Variants in ABCC3 observed in about 807,000 individuals in gnomAD.
The protein encoded by ABCC3 is ATP-binding cassette sub-family C member 3.
A neutral mutation model predicts 165.3 loss-of-function variants in ABCC3; 121 were observed. The observed-to-expected ratio is 0.73, with a 90% confidence interval of 0.63 to 0.85. The LOEUF (loss-of-function observed/expected upper bound fraction) is 0.85, where lower values mean the gene tolerates loss of function less well. Among genes scored for constraint, ABCC3 ranks in the 40% least tolerant of loss-of-function variants. The pLI is 0.00. For synonymous variants in ABCC3, 733 were observed against 810.1 expected (o/e 0.90, Z 1.62); for missense variants, 1,869 against 1,964.1 (o/e 0.95, Z 0.92).
intron 1 of ABCC3, among the ~76,000 whole-genome samples, chr17:50,637,196 T>C (rs971073955): frequency 1.3e-5 from 2 of 152,090 alleles, no homozygotes; most frequent in African/African-American, 4.8e-5. Flanking sequence ...TAAACATCTT[T>C]CACATTCTCT....
Position 50,656,763 on chromosome 17 carries a change from T to C in ABCC3, c.284T>C (p.Leu95Pro). 2 of 1,614,018 alleles carry C rather than the reference T, an allele frequency of 1.2e-6. No individual in the cohort carries two copies. Among genetic ancestry groups the C allele is most frequent in the Non-Finnish European group, 1.7e-6 (2 of 1,179,952 alleles). The change falls in exon 3 of 31, where the codon CTG becomes CCG. Residue 95 changes from leucine (L) to proline (P), a missense_variant. By Grantham distance (98) the Leu-to-Pro change is moderately conservative. Transcript: ENST00000285238. Reference sequence around the variant, plus strand: ...GACCTTTTTTACTCCTTCCATGGCCTGGTCCATGGCCGGGCCCCTGCCCCT... The same window carrying C: ...GACCTTTTTTACTCCTTCCATGGCCCGGTCCATGGCCGGGCCCCTGCCCCT... ...WADLFYSFHG[L>P]VHGRAPAPVF...
intron 30 of ABCC3, among the ~76,000 whole-genome samples, chr17:50,690,630 A>AGCAGCAGCC (rs1021839813): frequency 7.2e-5 from 11 of 151,970 alleles, no homozygotes; most frequent in Non-Finnish European, 1.0e-4. Context: ...CAGCAGCAGC[A>AGCAGCAGCC]GCAGCAGCCG....
intron 1 of ABCC3, 127 bp from the exon 2 acceptor site, chr17:50,655,705 C>T: frequency 2.5e-6 from 2 of 808,920 alleles, no homozygotes; most frequent in East Asian, 2.7e-5. Context: ...GTACTCTCTC[C>T]TCCTCACCTG....
chr17:50,667,470 A>T, intron 11 of ABCC3, 84 bp from the exon 12 acceptor site: 1 of 1,237,356 alleles, frequency 8.1e-7, no homozygotes, highest in Non-Finnish European at 1.1e-6. Flanking sequence ...GCAATGGATG[A>T]GAATGGATGG....
At chr17:50,663,468 G>A (rs1967441569) in intron 8 of ABCC3, 1 of 598,660 alleles carries the variant, frequency 1.7e-6, no homozygotes, top group Non-Finnish European at 3.0e-6. Context: ...GGTCCATGGT[G>A]GATAGAGAAC....
intron 11 of ABCC3, among the ~76,000 whole-genome samples, chr17:50,665,996 A>T (rs1967519524): frequency 6.6e-6 from 1 of 151,912 alleles, no homozygotes; most frequent in Non-Finnish European, 1.5e-5. Flanking sequence ...CTTACCTTGC[A>T]AGTCCTCACC....
chr17:50,679,593 A>C, intron 25 of ABCC3: 1 of 463,392 alleles, frequency 2.2e-6, no homozygotes, highest in Non-Finnish European at 3.9e-6. Context: ...GTCCTTGGTT[A>C]AGTCTGCACT....
chr17:50,687,828 T>G (rs2146647782), intron 30 of ABCC3, 98 bp downstream of exon 30: 1 of 1,270,742 alleles, frequency 7.9e-7, no homozygotes, highest in South Asian at 1.4e-5. Context: ...CAAGGCAATG[T>G]TCCTGGGATT....
At chr17:50,642,753 G>A (rs562584462) in intron 1 of ABCC3, among the ~76,000 whole-genome samples, 10 of 152,248 alleles carry the variant, frequency 6.6e-5, no homozygotes, top group African/African-American at 2.2e-4. Context: ...CTCCCCACCC[G>A]CCTTACAGAG....
rs775104272 is a variant in ABCC3, at chr17:50,676,602, G to A, written c.3378+14G>A. ...ACCTTAGTGCAGGTGTGGGGTGGGC[G>A]TGATTCCAGTGTGGGCGTGGTGTTA... On this transcript the variant is annotated intron_variant, in intron 23 of 30. Coordinates refer to ENST00000285238, the MANE Select transcript of ABCC3 (RefSeq NM_003786.4). 153 of 1,454,336 alleles carry A rather than the reference G, an allele frequency of 1.1e-4. No individual in the cohort carries two copies. Among genetic ancestry groups the A allele is most frequent in the Non-Finnish European group, 1.3e-4 (140 of 1,082,502 alleles). The allele number at this position is 1,454,336 out of a possible 1,614,324, so 90.1% of individuals were successfully genotyped here.
chr17:50,686,857 G>A (rs1968031555), intron 29 of ABCC3, among the ~76,000 whole-genome samples: 1 of 152,150 alleles, frequency 6.6e-6, no homozygotes, highest in Non-Finnish European at 1.5e-5. Context: ...GGTGACTCAC[G>A]CCTTTGGGAA....
chr17:50,691,681 T>C lies in ABCC3; in HGVS notation c.*481T>C, dbSNP rs1968127614. The C allele has an allele frequency of 6.1e-6, 1 of 164,804 alleles. No homozygotes were observed. The highest frequency in any genetic ancestry group is 1.6e-4 in the South Asian group (1 of 6,216). The allele number at this position is 164,804 out of a possible 1,614,324, so 10.2% of individuals were successfully genotyped here. A position where few individuals can be genotyped will look rare whatever the true frequency, so the allele number is the denominator to read the frequency against. On this transcript the variant is annotated 3_prime_UTR_variant, in exon 31 of 31. Coordinates refer to ENST00000285238, the MANE Select transcript of ABCC3 (RefSeq NM_003786.4). ...ATTAAAAATGGGAGTACTGATGAAA[T>C]AAAACTACATGGTCAACAGTATATA... is the stretch of plus-strand genomic sequence containing the variant.
chr17:50,658,527 A>T, intron 6 of ABCC3, 31 bp downstream of exon 6: 1 of 1,597,834 alleles, frequency 6.3e-7, no homozygotes, highest in Non-Finnish European at 8.6e-7. Flanking sequence ...GCCAGGCCAG[A>T]GGGAGGGGAG....
At chr17:50,671,702 CTTTTTTTTTTTTTT>C (rs386386244) in intron 17 of ABCC3, among the ~76,000 whole-genome samples, 89 of 56,394 alleles carry the variant, frequency 1.6e-3, no homozygotes, top group South Asian at 6.6e-3. Context: ...TCCTTCCTTC[CTTTTTTTTTTTTTT>C]TTTTTTTTTT....
chr17:50,673,915 T>C (rs531827404), intron 19 of ABCC3, among the ~76,000 whole-genome samples: 4 of 12,908 alleles, frequency 3.1e-4, no homozygotes, highest in East Asian at 3.7e-3. Context: ...TTTCTTTCTT[T>C]CTTTCTTTCT....
At chr17:50,664,702 CAAAA>C (rs58513664) in intron 10 of ABCC3, 166 of 47,898 alleles carry the variant, frequency 3.5e-3, no homozygotes, top group South Asian at 0.012. Flanking sequence ...GACTCTGTCT[CAAAA>C]AAAAAAAAAA....
Position 50,638,976 on chromosome 17 carries a change from G to A in ABCC3, c.45+3995G>A, listed in dbSNP as rs185861995. Among the ~76,000 whole-genome samples, 163 of 152,322 alleles carry A rather than the reference G, an allele frequency of 1.1e-3. 1 individual carries two copies. Among genetic ancestry groups the A allele is most frequent in the African/African-American group, 3.7e-3 (154 of 41,560 alleles). ...CATGATTAGGGCCCTTCAAAGCTTA[G>A]AGCTCCTGGGTATCAGGGTCTCCTC... On this transcript the variant is annotated intron_variant, in intron 1 of 30. Coordinates refer to ENST00000285238, the MANE Select transcript of ABCC3 (RefSeq NM_003786.4).
At position 50,667,860 on chromosome 17, in the gene ABCC3, C is replaced by T; in HGVS notation, c.1636-3C>T. 1 of 1,613,948 alleles carries T rather than the reference C, an allele frequency of 6.2e-7. No homozygotes were observed. Among genetic ancestry groups the T allele is most frequent in the Non-Finnish European group, 8.5e-7 (1 of 1,179,892 alleles). ...ACCCTGACACCACCTCCACGCTGCT[C>T]AGGTGACCCTGATCACCCTCTGGGT... On this transcript the variant is annotated splice_region_variant and splice_polypyrimidine_tract_variant and intron_variant, in intron 12 of 30. Coordinates refer to ENST00000285238, the MANE Select transcript of ABCC3 (RefSeq NM_003786.4).
intron 30 of ABCC3, among the ~76,000 whole-genome samples, chr17:50,688,722 A>T (rs1968067480): frequency 6.6e-6 from 1 of 151,944 alleles, no homozygotes; most frequent in Non-Finnish European, 1.5e-5. Flanking sequence ...CCCTGTCTCT[A>T]CTAAAAACAA....
Sources: gnomAD v4.1 joint callset for allele counts (sites outside exome capture counted in the v4.1 genomes callset) on GRCh38, gnomAD v4.1.1 for gene constraint, MANE v1.5 for transcripts, NCBI Gene and HGNC (gene_info 2026-07-23, HGNC 2026-07-21) for gene names.